STARD13: variants seen among roughly 807,000 people sequenced by gnomAD.
STARD13 encodes the protein StAR related lipid transfer domain containing 13, also known as stAR-related lipid transfer protein 13.
Under a neutral mutation model 106.4 loss-of-function variants are expected in STARD13, and 62 were observed. That is an observed-to-expected ratio of 0.58 (90% CI 0.48 to 0.72). STARD13 has a LOEUF of 0.72. Ranked by LOEUF, STARD13 falls within the 30% of genes least tolerant of loss-of-function variation. The pLI is 0.00. For missense variants in STARD13, 1,387 were observed against 1,424.0 expected (o/e 0.97, Z 0.42); for synonymous variants, 565 against 553.0 (o/e 1.02, Z -0.31).
At chr13:33,309,118 T>C (rs1328257056) in intron 1 of STARD13, among the ~76,000 whole-genome samples, 1 of 152,214 alleles carries the variant, frequency 6.6e-6, no homozygotes, top group Non-Finnish European at 1.5e-5. Flanking sequence ...ACTGGATGTG[T>C]ACAAGGCATG....
the STARD13 span, among the ~76,000 whole-genome samples, chr13:33,518,072 A>C: frequency 6.6e-6 from 1 of 152,162 alleles, no homozygotes; most frequent in Admixed American, 6.5e-5. Context: ...TGAGACTAGA[A>C]GTTGGGGGCA....
chr13:33,246,536 TC>T lies in STARD13; in HGVS notation c.169+38933del, dbSNP rs1180482665. Among the ~76,000 whole-genome samples, 8 of 152,314 alleles carry T rather than the reference TC, an allele frequency of 5.3e-5. 1 individual carries two copies. In the South Asian group the frequency reaches 8.3e-4, roughly 16 times the overall value. On this transcript the variant is annotated intron_variant, in intron 1 of 13. Transcript: ENST00000336934. ...AATAGGTTTCATACCCCTATCAACA[TC>T]TTTTTAAAAATTTTATTAATTCTAT... is the stretch of plus-strand genomic sequence containing the variant.
chr13:33,190,874 G>A (rs1049386566), intron 1 of STARD13, among the ~76,000 whole-genome samples: 16 of 151,996 alleles, frequency 1.1e-4, no homozygotes, highest in Non-Finnish European at 2.2e-4. Flanking sequence ...ATGAGCCACC[G>A]TACCCGGCCA....
chr13:33,127,868 T>G (rs1476825956), intron 5 of STARD13, among the ~76,000 whole-genome samples: 1 of 101,906 alleles, frequency 9.8e-6, no homozygotes, highest in African/African-American at 2.9e-5. Flanking sequence ...TGAGTGAGTG[T>G]GTGTGTGTGT....
chr13:33,329,028 A>G (rs2077807035), intron 1 of STARD13, among the ~76,000 whole-genome samples: 1 of 152,192 alleles, frequency 6.6e-6, no homozygotes, highest in Non-Finnish European at 1.5e-5. Flanking sequence ...TGTTCAATGC[A>G]TATTCTCAAG....
chr13:33,332,234 C>T (rs539128092), intron 1 of STARD13, among the ~76,000 whole-genome samples: 5 of 152,280 alleles, frequency 3.3e-5, no homozygotes, highest in African/African-American at 4.8e-5. Flanking sequence ...GACTCATTCC[C>T]GTCCTTTTCC....
At chr13:33,611,554 G>C in the STARD13 span, 1 of 152,160 alleles carries the variant, frequency 6.6e-6, no homozygotes, top group Non-Finnish European at 1.5e-5. Flanking sequence ...GGTCCATATT[G>C]TGCAAGGCGG....
chr13:33,673,648 T>C, the STARD13 span, among the ~76,000 whole-genome samples: 1 of 149,058 alleles, frequency 6.7e-6, no homozygotes, highest in Non-Finnish European at 1.5e-5. Flanking sequence ...GTTCAAGCAA[T>C]TCTCCTGCCT....
At chr13:33,315,030 A>G (rs568889768) in intron 1 of STARD13, among the ~76,000 whole-genome samples, 1 of 152,234 alleles carries the variant, frequency 6.6e-6, no homozygotes, top group Non-Finnish European at 1.5e-5. Flanking sequence ...TATAATGTAC[A>G]TAAGATCTGG....
the STARD13 span, among the ~76,000 whole-genome samples, chr13:33,625,430 T>C: frequency 0.12 from 18,236 of 150,804 alleles, 2,754 homozygotes; most frequent in African/African-American, 0.36. Context: ...ATTAGCTGGG[T>C]GTGGTGGCAC....
At chr13:33,330,372 A>T (rs1029635084) in intron 1 of STARD13, among the ~76,000 whole-genome samples, 1 of 152,120 alleles carries the variant, frequency 6.6e-6, no homozygotes. Flanking sequence ...TCACATGTTT[A>T]TTGGCATTCT....
chr13:33,649,058 G>T, the STARD13 span, among the ~76,000 whole-genome samples: 19 of 152,032 alleles, frequency 1.2e-4, no homozygotes, highest in Admixed American at 1.0e-3. Flanking sequence ...CTCCCAAAGT[G>T]CTGGGATTAC....
the STARD13 span, among the ~76,000 whole-genome samples, chr13:33,651,253 G>T: frequency 6.6e-6 from 1 of 152,008 alleles, no homozygotes; most frequent in Non-Finnish European, 1.5e-5. Flanking sequence ...ATTCCCACAG[G>T]TATCTCACAG....
chr13:33,512,853 T>A, the STARD13 span, among the ~76,000 whole-genome samples: 241 of 152,272 alleles, frequency 1.6e-3, no homozygotes, highest in African/African-American at 5.4e-3. Context: ...CAGAGAGTCC[T>A]GGAACAGATT....
Position 33,205,756 on chromosome 13 carries a change from A to G in STARD13, c.170-38134T>C, listed in dbSNP as rs1479019685. On this transcript the variant is annotated intron_variant, in intron 1 of 13. Coordinates refer to ENST00000336934, the MANE Select transcript of STARD13 (RefSeq NM_178006.4). ...ATCAATGACAAAACTCACAATCTAC[A>G]TAGGAAGTAACTGTTGTCTTTCCCA... is the stretch of plus-strand genomic sequence containing the variant. The G allele has an allele frequency of 2.2e-5, 15 of 670,558 alleles. No individual in the cohort carries two copies. The East Asian group carries it at 8.1e-4, about 36-fold the overall frequency. 41.5% of individuals were successfully genotyped at this position (670,558 alleles called of 1,614,324 possible).
At chr13:33,120,970 A>G (rs934622609) in intron 7 of STARD13, among the ~76,000 whole-genome samples, 2 of 152,090 alleles carry the variant, frequency 1.3e-5, no homozygotes, top group African/African-American at 4.8e-5. Context: ...CGAACTCCTG[A>G]CCTCAAGTGA....
chr13:33,327,068 G>C (rs780077407), intron 1 of STARD13, among the ~76,000 whole-genome samples: 1 of 152,170 alleles, frequency 6.6e-6, no homozygotes, highest in Non-Finnish European at 1.5e-5. Context: ...CACTCAAAAA[G>C]CTGTATTTTA....
the STARD13 span, among the ~76,000 whole-genome samples, chr13:33,602,067 C>T: frequency 2.0e-5 from 3 of 151,726 alleles, no homozygotes; most frequent in African/African-American, 7.3e-5. Flanking sequence ...TCTGAACCAC[C>T]TCCTGTGACG....
chr13:33,533,077 T>G, the STARD13 span, among the ~76,000 whole-genome samples: 1 of 152,322 alleles, frequency 6.6e-6, no homozygotes, highest in East Asian at 1.9e-4. Flanking sequence ...GAGAATTGTG[T>G]CACTGGAGAT....
Sources: gnomAD v4.1 joint callset for allele counts (sites outside exome capture counted in the v4.1 genomes callset) on GRCh38, gnomAD v4.1.1 for gene constraint, MANE v1.5 for transcripts, NCBI Gene and HGNC (gene_info 2026-07-23, HGNC 2026-07-21) for gene names.